Variants in SEC16A observed in about 807,000 individuals in gnomAD.
SEC16A encodes the protein protein transport protein Sec16A.
Under a neutral mutation model 221.9 loss-of-function variants are expected in SEC16A, and 110 were observed. The ratio of observed to expected loss-of-function variants is 0.50; its 90% CI spans 0.42 to 0.58. The LOEUF is 0.58. Among genes scored for constraint, SEC16A ranks in the 20% least tolerant of loss-of-function variants. The probability of loss-of-function intolerance (pLI) is 0.00; values close to 1 mark genes in which losing one functional copy is unlikely to be tolerated. For synonymous variants in SEC16A, 1,393 were observed against 1,257.7 expected, an observed-to-expected ratio of 1.11 and a Z score of -2.28; for missense variants, 3,165 against 3,097.8, an observed-to-expected ratio of 1.02 and a Z score of -0.52.
Position 136,455,792 on chromosome 9 carries a change from T to A in SEC16A, c.5666A>T (p.Glu1889Val). ...ATCCTGATGCCATACTCCAGCCCCC[T>A]CCTGAGGGAGAACAAGACCTGCCCT... ...HLQQVERQIKEGAGVWHQDGA... is the reference protein window; with the variant it reads ...HLQQVERQIKVGAGVWHQDGA... Residue 1889 changes from glutamate (E) to valine (V), a missense_variant and splice_region_variant, in exon 20 of 32, where the codon GAG becomes GTG. Physicochemically the swap from Glu to Val is moderately radical, Grantham distance 121. Coordinates refer to ENST00000684901, the MANE Select transcript of SEC16A (RefSeq NM_014866.2). 6.3e-7 allele frequency: 1 copy of A among 1,594,502 alleles called. No individual in the cohort carries two copies. The highest frequency in any genetic ancestry group is 8.5e-7 in the Non-Finnish European group (1 of 1,170,802).
At chr9:136,450,145 A>G (rs752175788) in intron 23 of SEC16A, among the ~76,000 whole-genome samples, 149 of 152,180 alleles carry the variant, frequency 9.8e-4, no homozygotes, top group Non-Finnish European at 1.2e-4. Context: ...CGGAGGTTGC[A>G]GTGAGCCAAG....
At position 136,454,111 on chromosome 9, in the gene SEC16A, G is replaced by A. The variant is rs1261587320; in HGVS notation, c.6074C>T (p.Pro2025Leu). Reference protein sequence around the residue: ...HLLQEARSPDPGIVPQEAPVG... With the variant: ...HLLQEARSPDLGIVPQEAPVG... ...AGACAGCATCTCTGCAGCCCCACCT[G>A]GGTCTGGGCTCCTGGCTTCCTGGAG... is the stretch of plus-strand genomic sequence containing the variant. Residue 2025 changes from proline (P) to leucine (L), a missense_variant and splice_region_variant, in exon 21 of 32, where the codon CCA (proline) becomes CTA (leucine). Physicochemically the swap from Pro to Leu is moderately conservative, Grantham distance 98. Coordinates refer to ENST00000684901, the MANE Select transcript of SEC16A (RefSeq NM_014866.2). 2 of 1,550,232 alleles carry A rather than the reference G, an allele frequency of 1.3e-6. No homozygotes were observed. Among genetic ancestry groups the A allele is most frequent in the East Asian group, 2.4e-5 (1 of 41,126 alleles).
chr9:136,452,954 C>T (rs1838063453), intron 22 of SEC16A, among the ~76,000 whole-genome samples: 1 of 151,248 alleles, frequency 6.6e-6, no homozygotes, highest in African/African-American at 2.4e-5. Flanking sequence ...ACCTGTAGTC[C>T]CAGCTACTTG....
chr9:136,454,934 C>G (rs1838398404), intron 20 of SEC16A, among the ~76,000 whole-genome samples: 1 of 152,112 alleles, frequency 6.6e-6, no homozygotes, highest in Non-Finnish European at 1.5e-5. Flanking sequence ...TGTGGCTGGT[C>G]CACAGCGTGG....
chr9:136,447,825 C>T lies in SEC16A; in HGVS notation c.6447+28G>A. 6.2e-7 allele frequency: 1 copy of T among 1,602,598 alleles called. No homozygotes were observed. Among genetic ancestry groups the T allele is most frequent in the Non-Finnish European group, 8.5e-7 (1 of 1,172,972 alleles). ...CTGTTCCCTCCACTCACACCTCACA[C>T]CCAACAGGAACTAGAATGACAATTT... On this transcript the variant is annotated intron_variant, in intron 25 of 31. Transcript: ENST00000684901. The surrounding 1 kb of genome is among the most constrained non-coding windows in gnomAD (Gnocchi z 5.5).
upstream of SEC16A, chr9:136,483,349 C>T (rs887083318): frequency 7.7e-6 from 3 of 387,162 alleles, no homozygotes; most frequent in Non-Finnish European, 1.0e-5. Context: ...GCCCCTCTTC[C>T]GTCGTTCCTC....
chr9:136,471,292 C>T (rs973716178), intron 4 of SEC16A, among the ~76,000 whole-genome samples: 1 of 142,328 alleles, frequency 7.0e-6, no homozygotes, highest in Non-Finnish European at 1.6e-5. Flanking sequence ...CATAGTGAGA[C>T]CCTCGTCTCT....
At chr9:136,448,053 G>T in intron 24 of SEC16A, 31 bp downstream of exon 24, 1 of 1,587,466 alleles carries the variant, frequency 6.3e-7, no homozygotes, top group Non-Finnish European at 8.6e-7. Context: ...ACAATTCTTC[G>T]GACGTCCCGT....
chr9:136,467,315 AG>A (rs1374615949), intron 5 of SEC16A, among the ~76,000 whole-genome samples: 1 of 152,242 alleles, frequency 6.6e-6, no homozygotes, highest in Non-Finnish European at 1.5e-5. Context: ...TTAGATTAAA[AG>A]GAAAAAATAT....
At chr9:136,443,789 T>C in intron 31 of SEC16A, 34 bp downstream of exon 31, 1 of 1,568,468 alleles carries the variant, frequency 6.4e-7, no homozygotes, top group Non-Finnish European at 8.8e-7. Context: ...GTGGGCGTGT[T>C]AGGGTCTCGT....
Position 136,441,750 on chromosome 9 carries a change from C to A in SEC16A, c.*5G>T, listed in dbSNP as rs558182705. The stretch of plus-strand genomic sequence containing the variant: ...CTCCAAGTGCAAGTTCACAGCAGGG[C>A]AAGCCTAGTTCAGCACCAGGTGCTT... On this transcript the variant is annotated 3_prime_UTR_variant, in exon 32 of 32. Coordinates refer to ENST00000684901, the MANE Select transcript of SEC16A (RefSeq NM_014866.2). 1.9e-6 allele frequency: 3 copies of A among 1,613,200 alleles called. No homozygotes were observed. In the South Asian group the frequency reaches 3.3e-5, roughly 18 times the overall value.
chr9:136,443,576 G>A (rs1330961848), intron 31 of SEC16A, among the ~76,000 whole-genome samples: 8 of 152,216 alleles, frequency 5.3e-5, no homozygotes, highest in Admixed American at 5.2e-4. Flanking sequence ...AGCTACTCAG[G>A]AGGCTGAGGC....
In SEC16A at chr9:136,482,981, C is replaced by G. The variant is rs905303607; in HGVS notation, c.-235G>C. 13 of 985,220 alleles carry G rather than the reference C, an allele frequency of 1.3e-5. No homozygotes were observed. In the South Asian group the frequency reaches 5.6e-4, roughly 43 times the overall value. The allele number at this position is 985,220 out of a possible 1,614,324, so 61.0% of individuals were successfully genotyped here. A position where few individuals can be genotyped will look rare whatever the true frequency, so the allele number is the denominator to read the frequency against. ...TCCCTCAGGAGCCGCGGGCGAAAGC[C>G]CACCCGACGCTGGCGACGAGCACAG... is the stretch of plus-strand genomic sequence containing the variant. On this transcript the variant is annotated 5_prime_UTR_variant, in exon 1 of 32. Transcript: ENST00000684901.
intron 22 of SEC16A, among the ~76,000 whole-genome samples, chr9:136,453,069 C>CA (rs372314249): frequency 0.02 from 1,260 of 64,534 alleles, 13 homozygotes; most frequent in African/African-American, 0.071. Flanking sequence ...GAATCTGTCT[C>CA]AAAAAAAAAA....
At chr9:136,483,047 G>T, upstream of SEC16A, 3 of 983,878 alleles carry the variant, frequency 3.0e-6, no homozygotes, top group Non-Finnish European at 3.6e-6. Context: ...ATCCGGCTCG[G>T]GTCTCCGCGG....
chr9:136,476,088 C>T lies in SEC16A; in HGVS notation c.1528G>A (p.Asp510Asn), dbSNP rs780879254. ...HGAVCHTGAPDATLHTVHPDS... is the reference protein window; with the variant it reads ...HGAVCHTGAPNATLHTVHPDS... ...GGGTGCACTGTATGCAGTGTGGCAT[C>T]AGGGGCTCCGGTGTGGCACACAGCA... The change falls in exon 3 of 32, where the codon GAT becomes AAT. Residue 510 changes from aspartate to asparagine, a missense_variant. Coordinates refer to ENST00000684901, the MANE Select transcript of SEC16A (RefSeq NM_014866.2). 3 of 1,613,610 alleles carry T rather than the reference C, an allele frequency of 1.9e-6. No individual in the cohort carries two copies. Among genetic ancestry groups the T allele is most frequent in the South Asian group, 2.2e-5 (2 of 91,078 alleles).
Position 136,472,009 on chromosome 9 carries a change from G to A in SEC16A, c.3670C>T (p.Arg1224Ter). 1.9e-6 allele frequency: 3 copies of A among 1,611,282 alleles called. No homozygotes were observed. Among genetic ancestry groups the A allele is most frequent in the Non-Finnish European group, 2.5e-6 (3 of 1,179,840 alleles). ...RYPEPERPSS[R>*]ASHSSERPPP... ...GGCCGTTCCGAGGAGTGGCTGGCTC[G>A]GGAGCTGGGCCGCTCGGGCTCGGGA... The change falls in exon 4 of 32, where the codon CGA becomes TGA. Residue 1224 changes from arginine to a stop codon, truncating the protein, a stop_gained. Coordinates refer to ENST00000684901, the MANE Select transcript of SEC16A (RefSeq NM_014866.2). LOFTEE classifies it high-confidence loss of function.
intron 5 of SEC16A, among the ~76,000 whole-genome samples, chr9:136,468,072 C>T (rs1361718260): frequency 6.6e-6 from 1 of 152,242 alleles, no homozygotes; most frequent in Non-Finnish European, 1.5e-5. Flanking sequence ...CATTTCACTT[C>T]CTTTTCATCC....
At position 136,466,081 on chromosome 9, in the gene SEC16A, G is replaced by A. The variant is rs755014230; in HGVS notation, c.4184C>T (p.Pro1395Leu). The part of the protein sequence containing the change: ...VAAGSYEAPL[P>L]PGSFHGDFAY... ...AAAATCGCCGTGAAAGGAGCCTGGA[G>A]GAAGCGGGGCCTCGTAGGAACCGGC... The change falls in exon 8 of 32, where the codon CCT becomes CTT. Residue 1395 changes from proline to leucine, a missense_variant. Transcript: ENST00000684901. This position sits in a 1 kb window ranked among gnomAD's most constrained non-coding sequence, Gnocchi z 5.5. 14 of 1,612,264 alleles carry A rather than the reference G, an allele frequency of 8.7e-6. No individual in the cohort carries two copies. The highest frequency in any genetic ancestry group is 2.7e-5 in the African/African-American group (2 of 74,924).
Sources: gnomAD v4.1 joint callset for allele counts (sites outside exome capture counted in the v4.1 genomes callset) on GRCh38, gnomAD v4.1.1 for gene constraint, Gnocchi (gnomAD v3.1) non-coding constraint, MANE v1.5 for transcripts, NCBI Gene and HGNC (gene_info 2026-07-23, HGNC 2026-07-21) for gene names.